The following VWA5B2 variants were observed in gnomAD, a reference collection of about 807,000 sequenced individuals.
VWA5B2 encodes von Willebrand factor A domain-containing protein 5B2.
A neutral mutation model predicts 118.5 loss-of-function variants in VWA5B2; 93 were observed. That is an observed-to-expected ratio of 0.79 (90% confidence interval 0.66 to 0.93). The LOEUF (loss-of-function observed/expected upper bound fraction) is 0.93. Among genes scored for constraint, VWA5B2 ranks in the 40% least tolerant of loss-of-function variants. The probability of loss-of-function intolerance (pLI) is 0.00; values close to 1 mark genes in which losing one functional copy is unlikely to be tolerated. For missense variants in VWA5B2, 1,546 were observed against 1,672.8 expected (o/e 0.92, Z 1.32); for synonymous variants, 708 against 716.3 (o/e 0.99, Z 0.19).
Position 184,241,215 on chromosome 3 carries a change from C to T in VWA5B2, c.2991C>T (p.Ala997=), listed in dbSNP as rs758442163. The change falls in exon 19 of 20, where the codon GCC becomes GCT. Residue 997 remains alanine (A), a synonymous_variant. Transcript: ENST00000691901. The surrounding 1 kb of genome is among the most constrained non-coding windows in gnomAD (Gnocchi z 5.1). ...KGLQRGSPAG[A]WDSDQNGNSK... Reference sequence around the variant, plus strand: ...TTCAGAGAGGCTCTCCAGCAGGCGCCTGGGACTCGGACCAAAATGGCAACT... The same window carrying T: ...TTCAGAGAGGCTCTCCAGCAGGCGCTTGGGACTCGGACCAAAATGGCAACT... 6.4e-7 allele frequency: 1 copy of T among 1,550,808 alleles called. No individual in the cohort carries two copies. Among genetic ancestry groups the T allele is most frequent in the South Asian group, 1.2e-5 (1 of 83,954 alleles).
At position 184,237,766 on chromosome 3, in the gene VWA5B2, G is replaced by A. The variant is rs747795717; in HGVS notation, c.1719+355G>A. Among the ~76,000 whole-genome samples, 1 of 152,234 alleles carries A rather than the reference G, an allele frequency of 6.6e-6. No homozygotes were observed. The highest frequency in any genetic ancestry group is 2.4e-5 in the African/African-American group (1 of 41,466). ...AGTTCCCTATAGAAAGCACCAGCCA[G>A]CGTATTTTCTGGGACACGCAGTGAT... On this transcript the variant is annotated intron_variant, in intron 12 of 19. Coordinates refer to ENST00000691901, the MANE Select transcript of VWA5B2 (RefSeq NM_001390846.1). This position sits in a 1 kb window ranked among gnomAD's most constrained non-coding sequence, Gnocchi z 5.6.
At chr3:184,232,039 ATC>A (rs1198916262) in intron 3 of VWA5B2, among the ~76,000 whole-genome samples, 1 of 152,184 alleles carries the variant, frequency 6.6e-6, no homozygotes, top group African/African-American at 2.4e-5. Flanking sequence ...ACAATAAAAT[ATC>A]TCATGTTTAT....
In VWA5B2 at chr3:184,238,015, T is replaced by A. The variant is rs558073342; in HGVS notation, c.1720-288T>A. Reference sequence around the variant, plus strand: ...TTATTTTTTAATGAAAAGCTTTATCTCTTTAGAAGAACTCTGCACGCTTCC... The same window carrying A: ...TTATTTTTTAATGAAAAGCTTTATCACTTTAGAAGAACTCTGCACGCTTCC... On this transcript the variant is annotated intron_variant, in intron 12 of 19. Transcript: ENST00000691901. The surrounding 1 kb of genome is among the most constrained non-coding windows in gnomAD (Gnocchi z 5.0). 2.0e-5 allele frequency among the ~76,000 whole-genome samples: 3 copies of A among 152,120 alleles called. No homozygotes were observed. Among genetic ancestry groups the A allele is most frequent in the Non-Finnish European group, 4.4e-5 (3 of 68,030 alleles).
rs1718348909 is a variant in VWA5B2, at chr3:184,239,571, C to G, written c.2380C>G (p.Leu794Val). The G allele has an allele frequency of 1.3e-6, 2 of 1,524,482 alleles. No homozygotes were observed. The highest frequency in any genetic ancestry group is 1.8e-6 in the Non-Finnish European group (2 of 1,128,808). The allele number at this position is 1,524,482 out of a possible 1,614,324, so 94.4% of individuals were successfully genotyped here. A position where few individuals can be genotyped will look rare whatever the true frequency, so the allele number is the denominator to read the frequency against. ...PEPGQQLGQG[L>V]DDSGNLLSPA... The stretch of plus-strand genomic sequence containing the variant: ...GCCAGGCCAACAGTTGGGACAAGGC[C>G]TGGATGACTCAGGTAAGTGTTGGAT... The change falls in exon 15 of 20, where the codon CTG becomes GTG. Residue 794 changes from leucine (L) to valine (V), a missense_variant. By Grantham distance (32) the Leu-to-Val change is conservative (BLOSUM62 1). Transcript: ENST00000691901. This position sits in a 1 kb window ranked among gnomAD's most constrained non-coding sequence, Gnocchi z 5.1.
At chr3:184,231,040 C>T in intron 3 of VWA5B2, 123 bp downstream of exon 3, 1 of 1,186,886 alleles carries the variant, frequency 8.4e-7, no homozygotes, top group Non-Finnish European at 1.0e-6. Flanking sequence ...TTCATTGGCT[C>T]ATCCTGGTAT....
chr3:184,233,038 G>A lies in VWA5B2; in HGVS notation c.311-140G>A, dbSNP rs536253650. ...CATTCATCTCATGCCTCCATCCTGC[G>A]TCACCAATGCATTAGCCTAGTGCCA... On this transcript the variant is annotated intron_variant, in intron 3 of 19. Transcript: ENST00000691901. The surrounding 1 kb of genome is among the most constrained non-coding windows in gnomAD (Gnocchi z 5.2). The A allele has an allele frequency of 3.8e-5, 26 of 688,986 alleles. No homozygotes were observed. The highest frequency in any genetic ancestry group is 1.3e-4 in the South Asian group (7 of 53,228). 42.7% of individuals were successfully genotyped at this position (688,986 alleles called of 1,614,324 possible). A position where few individuals can be genotyped will look rare whatever the true frequency, so the allele number is the denominator to read the frequency against.
intron 2 of VWA5B2, 27 bp from the exon 3 acceptor site, chr3:184,230,720 G>T: frequency 8.2e-7 from 1 of 1,217,694 alleles, no homozygotes; most frequent in Admixed American, 4.4e-5. Context: ...GGCAGGGTCC[G>T]ACGCCGCCTC....
chr3:184,241,617 C>A lies in VWA5B2; in HGVS notation c.3308C>A (p.Thr1103Asn), dbSNP rs1359598625. The A allele has an allele frequency of 2.7e-5, 42 of 1,542,662 alleles. No homozygotes were observed. Among genetic ancestry groups the A allele is most frequent in the Non-Finnish European group, 3.5e-5 (40 of 1,146,564 alleles). The change falls in exon 20 of 20, where the codon ACC (threonine) becomes AAC (asparagine). Residue 1103 changes from threonine (T) to asparagine (N), a missense_variant. Thr to Asn is a moderately conservative substitution (Grantham distance 65). Around this residue, in one of 3 missense-constraint regions of VWA5B2, gnomAD observed 763 missense variants for 766.6 expected, o/e 1.00. Coordinates refer to ENST00000691901, the MANE Select transcript of VWA5B2 (RefSeq NM_001390846.1). The surrounding 1 kb of genome is among the most constrained non-coding windows in gnomAD (Gnocchi z 5.1). ...FAVHRASLSP[T>N]SASLPWALLG... ...GTGCACCGCGCCAGCCTCAGCCCCA[C>A]CTCGGCCTCATTGCCCTGGGCACTT...
rs1718265210 is a variant in VWA5B2 at position 184,238,786 on chromosome 3, T to A, written c.2115T>A (p.Ser705=). The change falls in exon 14 of 20, where the codon TCT becomes TCA. Residue 705 remains serine (S), a synonymous_variant. Coordinates refer to ENST00000691901, the MANE Select transcript of VWA5B2 (RefSeq NM_001390846.1). The surrounding 1 kb of genome is among the most constrained non-coding windows in gnomAD (Gnocchi z 5.0). The part of the protein sequence containing the change: ...PEGSAPLEPP[S]QQGCRSLAWG... ...GTAGTGCTCCCTTGGAGCCCCCTTC[T>A]CAGCAGGGCTGCCGCAGTCTGGCCT... 1 of 1,548,232 alleles carries A rather than the reference T, an allele frequency of 6.5e-7. No individual in the cohort carries two copies. Among genetic ancestry groups the A allele is most frequent in the South Asian group, 1.2e-5 (1 of 83,958 alleles).
rs1442453802 is a variant in VWA5B2 at position 184,233,547 on chromosome 3, C to T, written c.531-29C>T. The T allele has an allele frequency of 8.4e-6, 13 of 1,545,168 alleles. No homozygotes were observed. The highest frequency in any genetic ancestry group is 1.7e-4 in the Middle Eastern group (1 of 5,974). Reference sequence around the variant, plus strand: ...AGGGTTTAGGGGCCTTCACAGTGGCCCAGTGACCCTCCTCATGCTCCCTTC... The same window carrying T: ...AGGGTTTAGGGGCCTTCACAGTGGCTCAGTGACCCTCCTCATGCTCCCTTC... On this transcript the variant is annotated intron_variant, in intron 4 of 19. Coordinates refer to ENST00000691901, the MANE Select transcript of VWA5B2 (RefSeq NM_001390846.1). This position sits in a 1 kb window ranked among gnomAD's most constrained non-coding sequence, Gnocchi z 5.2.
Position 184,239,976 on chromosome 3 carries a change from G to A in VWA5B2, c.2680G>A (p.Val894Met). Residue 894 changes from valine (V) to methionine (M), a missense_variant, in exon 16 of 20, where the codon GTG (valine) becomes ATG (methionine). Physicochemically the swap from Val to Met is conservative, Grantham distance 21. Around this residue, in one of 3 missense-constraint regions of VWA5B2, gnomAD observed 763 missense variants for 766.6 expected, o/e 1.00. Transcript: ENST00000691901. The surrounding 1 kb of genome is among the most constrained non-coding windows in gnomAD (Gnocchi z 5.1). ...QALHRLTAAS[V>M]VRDNEQLALR... ...ACTCCATCGGCTGACAGCAGCCTCT[G>A]TGGTCCGGGACAATGAGCAGCTGGC... The A allele has an allele frequency of 6.4e-7, 1 of 1,550,932 alleles. No homozygotes were observed. The highest frequency in any genetic ancestry group is 8.7e-7 in the Non-Finnish European group (1 of 1,146,940).
At position 184,238,758 on chromosome 3, in the gene VWA5B2, A is replaced by G; in HGVS notation, c.2087A>G (p.Glu696Gly). The G allele has an allele frequency of 6.4e-7, 1 of 1,550,646 alleles. No homozygotes were observed. Among genetic ancestry groups the G allele is most frequent in the African/African-American group, 1.4e-5 (1 of 73,154 alleles). ...SPGSQGPGSP[E>G]GSAPLEPPSQ... The stretch of plus-strand genomic sequence containing the variant: ...GGCTCACAGGGCCCTGGCTCCCCCG[A>G]AGGTAGTGCTCCCTTGGAGCCCCCT... The change falls in exon 14 of 20, where the codon GAA (glutamate) becomes GGA (glycine). Residue 696 changes from glutamate to glycine, a missense_variant. Glu to Gly is a moderately conservative substitution (Grantham distance 98). Coordinates refer to ENST00000691901, the MANE Select transcript of VWA5B2 (RefSeq NM_001390846.1). This position sits in a 1 kb window ranked among gnomAD's most constrained non-coding sequence, Gnocchi z 5.0.
Position 184,238,768 on chromosome 3 carries a change from T to C in VWA5B2, c.2097T>C (p.Ala699=). 6.5e-7 allele frequency: 1 copy of C among 1,550,344 alleles called. No homozygotes were observed. Among genetic ancestry groups the C allele is most frequent in the Non-Finnish European group, 8.7e-7 (1 of 1,146,600 alleles). The change falls in exon 14 of 20, where the codon GCT becomes GCC. Residue 699 remains alanine (A), a synonymous_variant. Coordinates refer to ENST00000691901, the MANE Select transcript of VWA5B2 (RefSeq NM_001390846.1). This position sits in a 1 kb window ranked among gnomAD's most constrained non-coding sequence, Gnocchi z 5.0. ...SQGPGSPEGS[A]PLEPPSQQGC... is the part of the protein sequence containing the mutation. ...GCCCTGGCTCCCCCGAAGGTAGTGC[T>C]CCCTTGGAGCCCCCTTCTCAGCAGG...
rs752026815 is a variant in VWA5B2 at position 184,230,866 on chromosome 3, C to G, written c.259C>G (p.Arg87Gly). ...GCGCCGCTCGCAGGCCGCCTGCTGC[C>G]GCGCTCTGGGCCCGGGGCTGGGGAC... ...SRRRSQAACC[R>G]ALGPGLGTPT... is the part of the protein sequence containing the mutation. Residue 87 changes from arginine (R) to glycine (G), a missense_variant, in exon 3 of 20, where the codon CGC (arginine) becomes GGC (glycine). Coordinates refer to ENST00000691901, the MANE Select transcript of VWA5B2 (RefSeq NM_001390846.1). 3.2e-6 allele frequency: 4 copies of G among 1,241,646 alleles called. No individual in the cohort carries two copies. The highest frequency in any genetic ancestry group is 4.0e-6 in the Non-Finnish European group (4 of 993,696). 76.9% of individuals were successfully genotyped at this position (1,241,646 alleles called of 1,614,324 possible). A position where few individuals can be genotyped will look rare whatever the true frequency, so the allele number is the denominator to read the frequency against.
chr3:184,235,790 CCA>C (rs557529561), intron 8 of VWA5B2, among the ~76,000 whole-genome samples: 3 of 151,124 alleles, frequency 2.0e-5, no homozygotes, highest in African/African-American at 4.9e-5. Flanking sequence ...CTCCAGAGTC[CCA>C]CACACAGTCA....
In VWA5B2 at chr3:184,230,792, T is replaced by TCGAGGC; in HGVS notation, c.194_199dup (p.Glu65_Ala66dup). 1.6e-6 allele frequency: 2 copies of TCGAGGC among 1,244,766 alleles called. No homozygotes were observed. Among genetic ancestry groups the TCGAGGC allele is most frequent in the South Asian group, 6.1e-5 (2 of 32,538 alleles). The allele number at this position is 1,244,766 out of a possible 1,614,324, so 77.1% of individuals were successfully genotyped here. ...GCCGAGGCCGAGGTGGTGTCCGGCT[T>TCGAGGC]CGAGGCCGAGGCCGCCGGACGGCGC... is the stretch of plus-strand genomic sequence containing the variant. On this transcript the variant is annotated inframe_insertion, in exon 3 of 20. Coordinates refer to ENST00000691901, the MANE Select transcript of VWA5B2 (RefSeq NM_001390846.1).
At chr3:184,235,966 C>G in intron 8 of VWA5B2, among the ~76,000 whole-genome samples, 186 bp from the exon 9 acceptor site, 1 of 152,200 alleles carries the variant, frequency 6.6e-6, no homozygotes, top group East Asian at 1.9e-4. Context: ...CTCCAGAGTC[C>G]CACACAGTCT....
intron 11 of VWA5B2, 95 bp downstream of exon 11, chr3:184,236,844 G>A (rs1718056539): frequency 9.1e-7 from 1 of 1,093,486 alleles, no homozygotes; most frequent in Non-Finnish European, 1.3e-6. Flanking sequence ...GGCCATGGGG[G>A]CTCCTGGCGC....
rs1209725189 is a variant in VWA5B2, at chr3:184,236,732, C to A, written c.1516C>A (p.Gln506Lys). 7 of 1,539,234 alleles carry A rather than the reference C, an allele frequency of 4.5e-6. No homozygotes were observed. In the Admixed American group the frequency reaches 8.1e-5, roughly 18 times the overall value. The stretch of plus-strand genomic sequence containing the variant: ...CCAGGCCTACTTCCTGAGGCCTGGG[C>A]AGAGGCTGCAGCCCATGGTGAGCTT... ...RGQAYFLRPG[Q>K]RLQPMLVQAL... The change falls in exon 11 of 20, where the codon CAG becomes AAG. Residue 506 changes from glutamine (Q) to lysine (K), a missense_variant. Transcript: ENST00000691901.
Sources: gnomAD v4.1 joint callset for allele counts (sites outside exome capture counted in the v4.1 genomes callset) on GRCh38, gnomAD v4.1.1 for gene constraint, gnomAD v4.1.1 regional missense constraint, Gnocchi (gnomAD v3.1) non-coding constraint, MANE v1.5 for transcripts, NCBI Gene and HGNC (gene_info 2026-07-23, HGNC 2026-07-21) for gene names.